CCDC18: variants seen among roughly 807,000 people sequenced by gnomAD.
CCDC18 encodes the protein coiled-coil domain containing 18, also known as coiled-coil domain-containing protein 18.
CCDC18 carries 157 observed loss-of-function variants against 196.0 expected under a neutral mutation model. That is an observed-to-expected ratio of 0.80 (90% CI 0.70 to 0.91). The LOEUF (loss-of-function observed/expected upper bound fraction) is 0.91, where lower values mean the gene tolerates loss of function less well. Ranked by LOEUF, CCDC18 falls within the 40% of genes least tolerant of loss-of-function variation. The pLI is 0.00. For missense variants in CCDC18, 1,465 were observed against 1,611.6 expected, an observed-to-expected ratio of 0.91 and a Z score of 1.56; for synonymous variants, 482 against 529.2, an observed-to-expected ratio of 0.91 and a Z score of 1.22.
intron 7 of CCDC18, among the ~76,000 whole-genome samples, chr1:93,203,621 T>TA (rs1215206252): frequency 6.6e-6 from 1 of 152,094 alleles, no homozygotes; most frequent in African/African-American, 2.4e-5. Flanking sequence ...TAGAACATTT[T>TA]AAAAAGAAGG....
At chr1:93,231,767 T>G (rs1659274381) in intron 17 of CCDC18, among the ~76,000 whole-genome samples, 1 of 152,204 alleles carries the variant, frequency 6.6e-6, no homozygotes, top group Non-Finnish European at 1.5e-5. Context: ...CCTTTATGTG[T>G]TTTTTTGTAG....
In CCDC18 at chr1:93,198,808, C is replaced by T. The variant is rs115975678; in HGVS notation, c.699-3084C>T. 6.5e-3 allele frequency among the ~76,000 whole-genome samples: 986 copies of T among 152,130 alleles called. 9 individuals carry two copies. The highest frequency in any genetic ancestry group is 0.014 in the African/African-American group (571 of 41,502). On this transcript the variant is annotated intron_variant, in intron 6 of 28. Coordinates refer to ENST00000690025, the MANE Select transcript of CCDC18 (RefSeq NM_001378204.1). ...GACTACAGGCTTGCCCCACCACACCCGACTAATTTTTAAATTTTTTTTACA... is the reference window on the plus strand; with the variant it reads ...GACTACAGGCTTGCCCCACCACACCTGACTAATTTTTAAATTTTTTTTACA...
At chr1:93,247,261 A>G (rs1661609253) in intron 23 of CCDC18, among the ~76,000 whole-genome samples, 1 of 151,854 alleles carries the variant, frequency 6.6e-6, no homozygotes, top group Non-Finnish European at 1.5e-5. Context: ...TTCTTCCTAG[A>G]TACTTTATTT....
At chr1:93,258,172 T>C (rs1663283496) in intron 25 of CCDC18, among the ~76,000 whole-genome samples, 1 of 151,850 alleles carries the variant, frequency 6.6e-6, no homozygotes, top group Non-Finnish European at 1.5e-5. Flanking sequence ...TGGGACCTCC[T>C]ACCATATTTT....
At chr1:93,251,971 C>CT (rs537851952) in intron 23 of CCDC18, among the ~76,000 whole-genome samples, 2 of 150,822 alleles carry the variant, frequency 1.3e-5, no homozygotes, top group Non-Finnish European at 2.9e-5. Context: ...CTTTTTATTC[C>CT]TTTTTTCCTC....
chr1:93,242,457 C>G (rs957836795), intron 21 of CCDC18, among the ~76,000 whole-genome samples: 5 of 152,186 alleles, frequency 3.3e-5, no homozygotes, highest in African/African-American at 9.7e-5. Flanking sequence ...CTGGGTCTCT[C>G]TCACAACACA....
chr1:93,193,764 A>T lies in CCDC18; in HGVS notation c.698+20A>T. The T allele has an allele frequency of 6.6e-7, 1 of 1,525,864 alleles. No homozygotes were observed. The highest frequency in any genetic ancestry group is 8.7e-7 in the Non-Finnish European group (1 of 1,143,136). 94.5% of individuals were successfully genotyped at this position (1,525,864 alleles called of 1,614,324 possible). A position where few individuals can be genotyped will look rare whatever the true frequency, so the allele number is the denominator to read the frequency against. Reference sequence around the variant, plus strand: ...AAAAAGGTATGTGTTTTTAAAGCAAATACATGTTTTTGAAAGGGAATAAAA... The same window carrying T: ...AAAAAGGTATGTGTTTTTAAAGCAATTACATGTTTTTGAAAGGGAATAAAA... On this transcript the variant is annotated intron_variant, in intron 6 of 28. Transcript: ENST00000690025.
At chr1:93,203,348 A>ATATCCAGTTATAGG (rs1654155966) in intron 7 of CCDC18, among the ~76,000 whole-genome samples, 3 of 152,350 alleles carry the variant, frequency 2.0e-5, no homozygotes, top group Admixed American at 2.0e-4. Flanking sequence ...TGTCTGTAGA[A>ATATCCAGTTATAGG]TATCCAGTTA....
intron 17 of CCDC18, among the ~76,000 whole-genome samples, chr1:93,228,649 G>A (rs540809706): frequency 6.7e-6 from 1 of 149,300 alleles, no homozygotes; most frequent in Admixed American, 6.7e-5. Flanking sequence ...TAAACTGTAT[G>A]TACTTGGATT....
intron 23 of CCDC18, among the ~76,000 whole-genome samples, chr1:93,249,338 T>G (rs1204985965): frequency 1.3e-5 from 2 of 152,332 alleles, no homozygotes; most frequent in South Asian, 2.1e-4. Context: ...TTTTATTTAT[T>G]TGGATTCTCT....
At chr1:93,225,572 T>A (rs1658137425) in intron 16 of CCDC18, among the ~76,000 whole-genome samples, 1 of 151,598 alleles carries the variant, frequency 6.6e-6, no homozygotes, top group Non-Finnish European at 1.5e-5. Context: ...AGGTCAGGAG[T>A]TTAAGACCAG....
chr1:93,241,452 G>T (rs372112089), intron 21 of CCDC18, among the ~76,000 whole-genome samples: 73 of 151,998 alleles, frequency 4.8e-4, no homozygotes, highest in South Asian at 2.3e-3. Context: ...GACCAGGCGC[G>T]GTGGCTCACG....
intron 28 of CCDC18, among the ~76,000 whole-genome samples, chr1:93,274,928 A>G (rs140517915): frequency 8.8e-4 from 134 of 152,322 alleles, no homozygotes; most frequent in Admixed American, 1.6e-3. Context: ...TTGATTGTCA[A>G]TGATACTCTA....
At chr1:93,195,998 A>G (rs1241299687) in intron 6 of CCDC18, among the ~76,000 whole-genome samples, 2 of 152,158 alleles carry the variant, frequency 1.3e-5, no homozygotes, top group Non-Finnish European at 2.9e-5. Context: ...TGCTGTTTGT[A>G]AGAGATTACC....
chr1:93,254,547 A>C lies in CCDC18; in HGVS notation c.3275A>C (p.Glu1092Ala). The C allele has an allele frequency of 6.2e-7, 1 of 1,608,048 alleles. No individual in the cohort carries two copies. Among genetic ancestry groups the C allele is most frequent in the Non-Finnish European group, 8.5e-7 (1 of 1,175,792 alleles). The change falls in exon 24 of 29, where the codon GAA (glutamate) becomes GCA (alanine). Residue 1092 changes from glutamate (E) to alanine (A), a missense_variant. Physicochemically the swap from Glu to Ala is moderately radical, Grantham distance 107. Transcript: ENST00000690025. Reference protein sequence around the residue: ...REKEFIMLQNEQEISQLKKEI... With the variant: ...REKEFIMLQNAQEISQLKKEI... The stretch of plus-strand genomic sequence containing the variant: ...AAAGAGTTTATAATGCTACAAAATG[A>C]ACAGGAGATAAGTCAACTGAAAAAA...
chr1:93,249,294 T>C (rs943131811), intron 23 of CCDC18, among the ~76,000 whole-genome samples: 3 of 152,204 alleles, frequency 2.0e-5, no homozygotes, highest in African/African-American at 7.2e-5. Flanking sequence ...TGTATTTCTG[T>C]GGTATGAGTT....
intron 28 of CCDC18, among the ~76,000 whole-genome samples, chr1:93,277,904 C>G (rs958451806): frequency 2.0e-5 from 3 of 151,826 alleles, no homozygotes; most frequent in African/African-American, 4.8e-5. Flanking sequence ...TTCCTTTTTT[C>G]GAGTTTTAAA....
intron 27 of CCDC18, among the ~76,000 whole-genome samples, chr1:93,268,228 G>T (rs945733045): frequency 2.6e-5 from 4 of 152,188 alleles, no homozygotes; most frequent in Admixed American, 2.0e-4. Context: ...GCCATATGTA[G>T]AAAGGTGAAA....
chr1:93,191,049 AATGTTCACC>A, intron 4 of CCDC18: 2 of 843,102 alleles, frequency 2.4e-6, no homozygotes, highest in Non-Finnish European at 4.0e-6. Flanking sequence ...AGGTTTTAGG[AATGTTCACC>A]ATGTTTGCGG....
Sources: gnomAD v4.1 joint callset for allele counts (sites outside exome capture counted in the v4.1 genomes callset) on GRCh38, gnomAD v4.1.1 for gene constraint, MANE v1.5 for transcripts, NCBI Gene and HGNC (gene_info 2026-07-23, HGNC 2026-07-21) for gene names.